SASH1: variants seen among roughly 807,000 people sequenced by gnomAD.
The protein encoded by SASH1 is SAM and SH3 domain-containing protein 1.
A neutral mutation model predicts 125.2 loss-of-function variants in SASH1; 44 were observed. The ratio of observed to expected loss-of-function variants is 0.35; its 90% CI spans 0.28 to 0.45. The LOEUF is 0.45. Among genes scored for constraint, SASH1 ranks in the 20% least tolerant of loss-of-function variants. The pLI is 1.00. For missense variants in SASH1, 1,426 were observed against 1,614.5 expected (o/e 0.88, Z 2.00); for synonymous variants, 639 against 649.1 (o/e 0.98, Z 0.24).
chr6:148,270,058 A>C (rs1357583524), upstream of SASH1, among the ~76,000 whole-genome samples: 1 of 152,244 alleles, frequency 6.6e-6, no homozygotes, highest in Non-Finnish European at 1.5e-5. Context: ...CCTAAGAGCC[A>C]AACTCTATAG....
chr6:148,487,759 A>G, intron 8 of SASH1, 44 bp downstream of exon 8: 1 of 1,349,290 alleles, frequency 7.4e-7, no homozygotes, highest in Non-Finnish European at 1.1e-6. Flanking sequence ...CTACGCCGAT[A>G]AGGGACAGTC....
intron 1 of SASH1, among the ~76,000 whole-genome samples, chr6:148,298,755 G>A (rs1383909620): frequency 4.3e-5 from 3 of 70,522 alleles, no homozygotes; most frequent in African/African-American, 6.7e-5. Flanking sequence ...AAGGAAGGAA[G>A]AAAAGAGAGA....
At chr6:148,276,594 G>C (rs1779190349) in intron 1 of SASH1, among the ~76,000 whole-genome samples, 1 of 152,228 alleles carries the variant, frequency 6.6e-6, no homozygotes, top group Non-Finnish European at 1.5e-5. Flanking sequence ...AAAGGGAAAA[G>C]GGAGCGGATG....
chr6:148,528,508 G>A (rs763520644), intron 12 of SASH1, among the ~76,000 whole-genome samples: 6 of 152,296 alleles, frequency 3.9e-5, no homozygotes, highest in South Asian at 2.1e-4. Context: ...GCGAATGACC[G>A]AACGTCACCA....
intron 1 of SASH1, among the ~76,000 whole-genome samples, chr6:148,320,192 A>G (rs1215074074): frequency 6.6e-6 from 1 of 152,236 alleles, no homozygotes; most frequent in African/African-American, 2.4e-5. Flanking sequence ...GGTTTCAGGA[A>G]TTCACTGGGG....
chr6:148,228,963 C>T, the SASH1 span, among the ~76,000 whole-genome samples: 14 of 151,680 alleles, frequency 9.2e-5, no homozygotes, highest in Admixed American at 2.0e-4. Context: ...TGGTGAAACC[C>T]CATCTCTACT....
At chr6:148,232,920 A>G in the SASH1 span, among the ~76,000 whole-genome samples, 3 of 152,170 alleles carry the variant, frequency 2.0e-5, no homozygotes, top group African/African-American at 7.2e-5. Flanking sequence ...TGCAGTTGGT[A>G]TTCTCTCCAG....
At chr6:148,380,411 A>G (rs1783084246) in intron 1 of SASH1, among the ~76,000 whole-genome samples, 1 of 152,210 alleles carries the variant, frequency 6.6e-6, no homozygotes, top group Non-Finnish European at 1.5e-5. Context: ...AATGCTTGAA[A>G]ATGTTCACAG....
intron 1 of SASH1, among the ~76,000 whole-genome samples, chr6:148,362,149 G>C (rs980901972): frequency 7.9e-5 from 12 of 151,384 alleles, no homozygotes; most frequent in Admixed American, 1.3e-4. Context: ...GGATGGTCTC[G>C]ATATCCTGAC....
At chr6:148,528,795 C>T (rs1284513474) in intron 12 of SASH1, among the ~76,000 whole-genome samples, 1 of 152,142 alleles carries the variant, frequency 6.6e-6, no homozygotes, top group Admixed American at 6.5e-5. Context: ...GGATGATTCA[C>T]ATGCATTACA....
chr6:148,200,470 C>T, the SASH1 span, among the ~76,000 whole-genome samples: 3 of 152,292 alleles, frequency 2.0e-5, no homozygotes, highest in East Asian at 5.8e-4. Context: ...GATGTGGCTT[C>T]GGCGACCTCT....
intron 1 of SASH1, among the ~76,000 whole-genome samples, chr6:148,293,055 CAA>C (rs1323198934): frequency 1.5e-5 from 2 of 134,676 alleles, no homozygotes; most frequent in African/African-American, 2.7e-5. Context: ...TACTCCATCT[CAA>C]AAAAAAAAAA....
the SASH1 span, among the ~76,000 whole-genome samples, chr6:148,222,927 G>A: frequency 2.0e-4 from 31 of 152,092 alleles, no homozygotes; most frequent in East Asian, 2.5e-3. Flanking sequence ...TACACCTACC[G>A]GACCTCTTGG....
intron 2 of SASH1, among the ~76,000 whole-genome samples, chr6:148,410,765 T>C (rs973255122): frequency 2.6e-5 from 4 of 152,196 alleles, no homozygotes; most frequent in Non-Finnish European, 5.9e-5. Flanking sequence ...CAGTGTAAGG[T>C]GGGTTAGTTG....
chr6:148,257,585 T>G, the SASH1 span, among the ~76,000 whole-genome samples: 4 of 151,948 alleles, frequency 2.6e-5, no homozygotes, highest in Non-Finnish European at 5.9e-5. Flanking sequence ...TCTGCCAAAC[T>G]GCATTTATTA....
chr6:148,289,081 A>G (rs778792659), intron 1 of SASH1, among the ~76,000 whole-genome samples: 7 of 151,986 alleles, frequency 4.6e-5, no homozygotes, highest in Non-Finnish European at 7.4e-5. Context: ...CACAGGTTCA[A>G]GCAAGTCTCC....
chr6:148,548,677 T>C lies in SASH1; in HGVS notation c.*119T>C, dbSNP rs911754188. On this transcript the variant is annotated 3_prime_UTR_variant, in exon 20 of 20. Coordinates refer to ENST00000367467, the MANE Select transcript of SASH1 (RefSeq NM_015278.5). Reference sequence around the variant, plus strand: ...CCAGATCCAGAAGAAAGGCCTGGCGTGTGGCCAAACAGCGTGAAACCTTGG... The same window carrying C: ...CCAGATCCAGAAGAAAGGCCTGGCGCGTGGCCAAACAGCGTGAAACCTTGG... 8.0e-6 allele frequency: 10 copies of C among 1,256,840 alleles called. No homozygotes were observed. In the African/African-American group the frequency reaches 1.4e-4, roughly 17 times the overall value. The allele number at this position is 1,256,840 out of a possible 1,614,324, so 77.9% of individuals were successfully genotyped here.
the SASH1 span, among the ~76,000 whole-genome samples, chr6:148,240,399 G>A: frequency 1.3e-5 from 2 of 152,194 alleles, no homozygotes; most frequent in Admixed American, 6.5e-5. Flanking sequence ...TCATTTGAAA[G>A]TTGGCAGGAA....
chr6:148,456,656 T>G (rs1330452725), intron 4 of SASH1, among the ~76,000 whole-genome samples: 1 of 151,756 alleles, frequency 6.6e-6, no homozygotes, highest in Non-Finnish European at 1.5e-5. Context: ...AGCCCAGGAG[T>G]TCGAGACCAG....
Sources: gnomAD v4.1 joint callset for allele counts (sites outside exome capture counted in the v4.1 genomes callset) on GRCh38, gnomAD v4.1.1 for gene constraint, MANE v1.5 for transcripts, NCBI Gene and HGNC (gene_info 2026-07-23, HGNC 2026-07-21) for gene names.